EPB41L3: variants seen among roughly 807,000 people sequenced by gnomAD.
The protein encoded by EPB41L3 is erythrocyte membrane protein band 4.1 like 3.
Under a neutral mutation model 127.1 loss-of-function variants are expected in EPB41L3, and 57 were observed. That is an observed-to-expected ratio of 0.45 (90% CI 0.36 to 0.56). The LOEUF is 0.56. Among genes scored for constraint, EPB41L3 ranks in the 20% least tolerant of loss-of-function variants. The probability of loss-of-function intolerance (pLI) is 0.00; values close to 1 mark genes in which losing one functional copy is unlikely to be tolerated. For missense variants in EPB41L3, 1,273 were observed against 1,372.2 expected, an observed-to-expected ratio of 0.93 and a Z score of 1.14; for synonymous variants, 572 against 549.5, an observed-to-expected ratio of 1.04 and a Z score of -0.57.
At chr18:5,396,440 A>G in intron 18 of EPB41L3, 108 bp from the exon 19 acceptor site, 1 of 1,311,912 alleles carries the variant, frequency 7.6e-7, no homozygotes, top group Non-Finnish European at 1.1e-6. Flanking sequence ...TATGCTATAA[A>G]TGTTTATGTA....
At chr18:5,403,800 T>C (rs1231333590) in intron 16 of EPB41L3, among the ~76,000 whole-genome samples, 3 of 152,260 alleles carry the variant, frequency 2.0e-5, no homozygotes, top group African/African-American at 7.2e-5. Flanking sequence ...TAGGCTTTAT[T>C]ATAAAATAGA....
chr18:5,494,828 T>C (rs543847250), intron 1 of EPB41L3, among the ~76,000 whole-genome samples: 6 of 152,076 alleles, frequency 3.9e-5, no homozygotes, highest in African/African-American at 1.4e-4. Context: ...GTGAGAGTGA[T>C]GAGAGGTGAG....
At chr18:5,574,052 A>C (rs985054464) in intron 3 of EPB41L3, among the ~76,000 whole-genome samples, 1 of 152,032 alleles carries the variant, frequency 6.6e-6, no homozygotes, top group Non-Finnish European at 1.5e-5. Context: ...CTGGGACTAC[A>C]GGCACGCACC....
At chr18:5,484,376 G>A (rs577903714) in intron 2 of EPB41L3, among the ~76,000 whole-genome samples, 4 of 151,448 alleles carry the variant, frequency 2.6e-5, no homozygotes, top group African/African-American at 7.2e-5. Flanking sequence ...AGCAATAAAC[G>A]TCTATATCAA....
intron 6 of EPB41L3, among the ~76,000 whole-genome samples, chr18:5,435,856 TATA>T (rs369119869): frequency 5.9e-5 from 8 of 134,840 alleles, no homozygotes; most frequent in African/African-American, 2.5e-4. Flanking sequence ...GTAGTCTCTT[TATA>T]ATAACACAAT....
chr18:5,482,948 T>C (rs1325882862), intron 2 of EPB41L3, among the ~76,000 whole-genome samples: 2 of 152,108 alleles, frequency 1.3e-5, no homozygotes, highest in Non-Finnish European at 2.9e-5. Flanking sequence ...TAAAATCAAG[T>C]ACATGGATAA....
At chr18:5,422,226 C>T (rs528083110) in intron 11 of EPB41L3, among the ~76,000 whole-genome samples, 1 of 151,922 alleles carries the variant, frequency 6.6e-6, no homozygotes, top group Non-Finnish European at 1.5e-5. Context: ...GTACAGTTTC[C>T]ACCTCGCTAG....
chr18:5,630,369 G>A (rs1245144528), upstream of EPB41L3: 1 of 518,194 alleles, frequency 1.9e-6, no homozygotes, highest in Non-Finnish European at 3.8e-6. Context: ...GAAGAGAAAG[G>A]CGCTCACCTG....
intron 3 of EPB41L3, among the ~76,000 whole-genome samples, chr18:5,590,948 T>G (rs2143531251): frequency 6.6e-6 from 1 of 151,170 alleles, no homozygotes; most frequent in East Asian, 2.0e-4. Context: ...CACATGGGAG[T>G]TTTTTATGGT....
intron 3 of EPB41L3, among the ~76,000 whole-genome samples, chr18:5,561,567 A>G (rs1785397): frequency 0.63 from 95,335 of 152,090 alleles, 31,395 homozygotes; most frequent in South Asian, 0.79. Flanking sequence ...CTTATAGACT[A>G]ATTCCAATTA....
intron 2 of EPB41L3, among the ~76,000 whole-genome samples, chr18:5,487,439 CACTGA>C (rs903969991): frequency 2.7e-5 from 4 of 149,746 alleles, no homozygotes; most frequent in African/African-American, 9.8e-5. Context: ...TACTTATTAC[CACTGA>C]ACTGTACACT....
chr18:5,544,039 G>C (rs907205505), upstream of EPB41L3: 3 of 985,478 alleles, frequency 3.0e-6, no homozygotes, highest in African/African-American at 5.2e-5. Flanking sequence ...GCTCGCCGCT[G>C]TTCCCCCCGC....
intron 3 of EPB41L3, among the ~76,000 whole-genome samples, chr18:5,594,772 A>C (rs1342312800): frequency 2.6e-5 from 4 of 152,226 alleles, no homozygotes; most frequent in Non-Finnish European, 4.4e-5. Context: ...AGATTTGATC[A>C]AGTTGGAAAA....
At chr18:5,481,040 C>T (rs2088383230) in intron 2 of EPB41L3, 1 of 152,024 alleles carries the variant, frequency 6.6e-6, no homozygotes, top group African/African-American at 2.4e-5. Context: ...AAAAGAAAAC[C>T]ATGATGGCTA....
intron 3 of EPB41L3, among the ~76,000 whole-genome samples, chr18:5,566,727 C>CCA (rs2094204386): frequency 6.9e-5 from 4 of 58,132 alleles, no homozygotes; most frequent in East Asian, 4.5e-4. Flanking sequence ...CTATTCCATT[C>CCA]TATTCTATTC....
intron 1 of EPB41L3, among the ~76,000 whole-genome samples, chr18:5,531,977 A>G (rs927570404): frequency 2.0e-5 from 3 of 152,168 alleles, no homozygotes; most frequent in African/African-American, 7.2e-5. Context: ...GAGTGGTAAG[A>G]GTAAGAACTA....
At chr18:5,605,541 G>T (rs541949836) in intron 3 of EPB41L3, among the ~76,000 whole-genome samples, 3 of 151,922 alleles carry the variant, frequency 2.0e-5, no homozygotes, top group African/African-American at 7.3e-5. Flanking sequence ...ACCACACCTG[G>T]CTGATGTTTA....
Position 5,396,297 on chromosome 18 carries a change from G to A in EPB41L3, c.2877C>T (p.Gly959=), listed in dbSNP as rs2073446469. ...STVKTETISF[G]SVSPGGVKLE... ...GCTTTACTCCTCCCGGTGAAACACT[G>A]CCAAAACTGATGGTTTCCGTCTTCA... is the stretch of plus-strand genomic sequence containing the variant. The change falls in exon 19 of 23, where the codon GGC becomes GGT. Residue 959 remains glycine (G), a synonymous_variant. Coordinates refer to ENST00000341928, the MANE Select transcript of EPB41L3 (RefSeq NM_012307.5). 1.2e-6 allele frequency: 2 copies of A among 1,614,070 alleles called. No homozygotes were observed. The highest frequency in any genetic ancestry group is 1.3e-5 in the African/African-American group (1 of 74,930).
In EPB41L3 at chr18:5,397,368, A is replaced by C. The variant is rs1033282821; in HGVS notation, c.2531T>G (p.Leu844Arg). 1.5e-5 allele frequency: 24 copies of C among 1,613,042 alleles called. No individual in the cohort carries two copies. The highest frequency in any genetic ancestry group is 2.0e-5 in the Non-Finnish European group (24 of 1,179,848). The change falls in exon 18 of 23, where the codon CTG becomes CGG. Residue 844 changes from leucine (L) to arginine (R), a missense_variant. Leu to Arg is a moderately radical substitution (Grantham distance 102). Coordinates refer to ENST00000341928, the MANE Select transcript of EPB41L3 (RefSeq NM_012307.5). The surrounding 1 kb of genome is among the most constrained non-coding windows in gnomAD (Gnocchi z 4.1). ...CACCACCTTCTCAGTGCTAAGCGGC[A>C]GGTGGTGCACGGTGGGTTCCGTCTC... ...GIETEPTVHH[L>R]PLSTEKVVQE...
Sources: gnomAD v4.1 joint callset for allele counts (sites outside exome capture counted in the v4.1 genomes callset) on GRCh38, gnomAD v4.1.1 for gene constraint, Gnocchi (gnomAD v3.1) non-coding constraint, MANE v1.5 for transcripts, NCBI Gene and HGNC (gene_info 2026-07-23, HGNC 2026-07-21) for gene names.